MEI1: variants seen among roughly 807,000 people sequenced by gnomAD.
MEI1 encodes meiosis inhibitor protein 1.
A neutral mutation model predicts 146.2 loss-of-function variants in MEI1; 103 were observed. The observed-to-expected ratio is 0.70, with a 90% confidence interval of 0.60 to 0.83. The LOEUF is 0.83. Ranked by LOEUF, MEI1 falls within the 40% of genes least tolerant of loss-of-function variation. MEI1 has a pLI of 0.00. For synonymous variants in MEI1, 652 were observed against 628.2 expected (o/e 1.04, Z -0.57); for missense variants, 1,529 against 1,533.0 (o/e 1.00, Z 0.04).
At chr22:41,797,909 T>C (rs4820443) in intron 30 of MEI1, among the ~76,000 whole-genome samples, 25,490 of 152,096 alleles carry the variant, frequency 0.17, 3,103 homozygotes, top group Admixed American at 0.36. Flanking sequence ...TCTGTTATTA[T>C]TCCTACTCCC....
intron 6 of MEI1, among the ~76,000 whole-genome samples, chr22:41,723,344 T>C (rs1318140303): frequency 6.6e-6 from 1 of 152,022 alleles, no homozygotes. Context: ...TCCTGAGTAG[T>C]TGGGACTACA....
intron 11 of MEI1, among the ~76,000 whole-genome samples, chr22:41,736,976 T>C (rs1270053342): frequency 6.6e-6 from 1 of 152,186 alleles, no homozygotes; most frequent in African/African-American, 2.4e-5. Flanking sequence ...CAATTTGGGA[T>C]CTAAAGAATT....
chr22:41,716,351 C>T (rs1357432586), intron 5 of MEI1, among the ~76,000 whole-genome samples: 1 of 123,598 alleles, frequency 8.1e-6, no homozygotes, highest in Admixed American at 9.8e-5. Flanking sequence ...TATTTCCATT[C>T]ATTCTTTTTT....
intron 24 of MEI1, among the ~76,000 whole-genome samples, chr22:41,783,114 G>A (rs1433702948): frequency 6.6e-6 from 1 of 152,032 alleles, no homozygotes; most frequent in Non-Finnish European, 1.5e-5. Flanking sequence ...AGGCATTTGT[G>A]CTTCTCCCAG....
intron 17 of MEI1, among the ~76,000 whole-genome samples, chr22:41,754,910 T>G (rs564520922): frequency 6.6e-6 from 1 of 151,094 alleles, no homozygotes; most frequent in East Asian, 1.9e-4. Context: ...GGATAGAGAG[T>G]GATAGAAGGA....
chr22:41,742,586 A>T (rs1238934457), intron 11 of MEI1, among the ~76,000 whole-genome samples: 1 of 152,226 alleles, frequency 6.6e-6, no homozygotes, highest in East Asian at 1.9e-4. Flanking sequence ...CTCATTTAAT[A>T]GATGAGGAAA....
At chr22:41,727,830 T>C (rs1177221812) in intron 7 of MEI1, among the ~76,000 whole-genome samples, 1 of 152,104 alleles carries the variant, frequency 6.6e-6, no homozygotes, top group East Asian at 1.9e-4. Flanking sequence ...GAATGAACTG[T>C]GACATGTGAA....
chr22:41,767,480 T>C, intron 19 of MEI1: 1 of 440,706 alleles, frequency 2.3e-6, no homozygotes, highest in South Asian at 1.6e-5. Flanking sequence ...GGTATGTGTC[T>C]GAGGATCCCC....
intron 12 of MEI1, among the ~76,000 whole-genome samples, chr22:41,743,680 C>G (rs531968048): frequency 2.0e-5 from 3 of 152,260 alleles, no homozygotes; most frequent in Admixed American, 1.3e-4. Context: ...TTGATTATGT[C>G]TTTCAGGATT....
intron 3 of MEI1, 33 bp downstream of exon 3, chr22:41,705,587 A>T (rs759088845): frequency 6.3e-7 from 1 of 1,586,762 alleles, no homozygotes; most frequent in South Asian, 1.1e-5. Flanking sequence ...GCACTTGAAG[A>T]TGAAAGTATT....
intron 1 of MEI1, 72 bp downstream of exon 1, chr22:41,699,784 G>A (rs1026645602): frequency 6.8e-7 from 1 of 1,470,436 alleles, no homozygotes; most frequent in African/African-American, 1.4e-5. Flanking sequence ...CCAGGCCCTT[G>A]CCAGACCCGC....
At chr22:41,792,967 G>A (rs987021167) in intron 26 of MEI1, among the ~76,000 whole-genome samples, 4 of 147,084 alleles carry the variant, frequency 2.7e-5, no homozygotes, top group South Asian at 4.3e-4. Flanking sequence ...AAACTGTGAG[G>A]CTCTGTAATC....
intron 30 of MEI1, among the ~76,000 whole-genome samples, chr22:41,798,080 T>C (rs1409359216): frequency 1.3e-5 from 2 of 150,718 alleles, no homozygotes; most frequent in Non-Finnish European, 2.9e-5. Flanking sequence ...TGGAGACAGT[T>C]GTCCAAGCGC....
chr22:41,758,252 G>T (rs2074226602), intron 17 of MEI1, 113 bp from the exon 18 acceptor site: 5 of 992,444 alleles, frequency 5.0e-6, no homozygotes, highest in Non-Finnish European at 7.3e-6. Context: ...CCACTATACT[G>T]CATTTACCCT....
chr22:41,784,386 C>T lies in MEI1; in HGVS notation c.3135C>T (p.Leu1045=), dbSNP rs1304487511. ...SVEMDQVLKA[L]SFPKKKAALL... ...AAATGGACCAAGTATTGAAGGCTCTCAGCTTTCCAAAGAAAAAGGCTGCAC... is the reference window on the plus strand; with the variant it reads ...AAATGGACCAAGTATTGAAGGCTCTTAGCTTTCCAAAGAAAAAGGCTGCAC... Residue 1045 remains leucine (L), a synonymous_variant, in exon 25 of 31, where the codon CTC becomes CTT. Coordinates refer to ENST00000401548, the MANE Select transcript of MEI1 (RefSeq NM_152513.4). 2 of 1,613,984 alleles carry T rather than the reference C, an allele frequency of 1.2e-6. No individual in the cohort carries two copies. The highest frequency in any genetic ancestry group is 1.1e-5 in the South Asian group (1 of 91,080).
chr22:41,781,382 A>C lies in MEI1; in HGVS notation c.2914A>C (p.Ser972Arg). 6.2e-7 allele frequency: 1 copy of C among 1,612,836 alleles called. No homozygotes were observed. Among genetic ancestry groups the C allele is most frequent in the Non-Finnish European group, 8.5e-7 (1 of 1,179,428 alleles). ...YWSLHQTTPS[S>R]QKRAAAVLLS... ...GAGCCTTCATCAGACCACACCCAGC[A>C]GTCAGAAAAGAGGTGCAGGGGCCCG... The change falls in exon 23 of 31, where the codon AGT becomes CGT. Residue 972 changes from serine (S) to arginine (R), a missense_variant. Transcript: ENST00000401548.
At chr22:41,710,095 C>A (rs1044815026) in intron 3 of MEI1, among the ~76,000 whole-genome samples, 1 of 151,946 alleles carries the variant, frequency 6.6e-6, no homozygotes, top group Non-Finnish European at 1.5e-5. Context: ...AGGATGGACC[C>A]TAATCCAATC....
intron 6 of MEI1, among the ~76,000 whole-genome samples, chr22:41,723,678 T>G (rs575355640): frequency 4.6e-5 from 7 of 152,150 alleles, no homozygotes; most frequent in African/African-American, 1.7e-4. Flanking sequence ...ATGAAACTTA[T>G]AGTTGAGTGA....
chr22:41,754,432 C>G (rs9611653), intron 17 of MEI1, among the ~76,000 whole-genome samples: 1 of 130,518 alleles, frequency 7.7e-6, no homozygotes, highest in Non-Finnish European at 1.5e-5. Context: ...TTTTCTTTTT[C>G]TTTTTGTTTT....
Sources: allele counts gnomAD v4.1 joint callset (sites outside exome capture counted in the v4.1 genomes callset), GRCh38; gene constraint gnomAD v4.1.1; transcripts MANE v1.5; gene names NCBI Gene and HGNC (gene_info 2026-07-23, HGNC 2026-07-21).